Variants in MTA1 observed in about 807,000 individuals in gnomAD.
MTA1 encodes metastasis-associated protein MTA1.
MTA1 carries 15 observed loss-of-function variants against 97.0 expected under a neutral mutation model. That is an observed-to-expected ratio of 0.15 (90% CI 0.10 to 0.24). MTA1 has a LOEUF of 0.24. Ranked by LOEUF, MTA1 falls within the 10% of genes least tolerant of loss-of-function variation. The pLI, the probability that MTA1 is intolerant of heterozygous loss-of-function variation, is 1.00. For synonymous variants in MTA1, 435 were observed against 417.5 expected, an observed-to-expected ratio of 1.04 and a Z score of -0.51; for missense variants, 709 against 1,015.1, an observed-to-expected ratio of 0.70 and a Z score of 4.10.
chr14:105,433,768 G>A (rs1164343971), intron 1 of MTA1, among the ~76,000 whole-genome samples: 1 of 152,176 alleles, frequency 6.6e-6, no homozygotes, highest in Non-Finnish European at 1.5e-5. Context: ...GAAGCAATAT[G>A]TCATCTCCCA....
intron 3 of MTA1, 106 bp from the exon 4 acceptor site, chr14:105,449,253 C>T: frequency 8.3e-7 from 1 of 1,209,074 alleles, no homozygotes; most frequent in Non-Finnish European, 1.1e-6. Flanking sequence ...GGCCCCCGTT[C>T]TGCCCTGCCC....
chr14:105,429,718 G>A (rs1555423006), intron 1 of MTA1, among the ~76,000 whole-genome samples: 1 of 148,998 alleles, frequency 6.7e-6, no homozygotes, highest in Non-Finnish European at 1.5e-5. Context: ...CTCCCGAAGT[G>A]CTGGGATTAC....
intron 6 of MTA1, among the ~76,000 whole-genome samples, chr14:105,451,366 A>G (rs2082922059): frequency 6.6e-6 from 1 of 152,214 alleles, no homozygotes; most frequent in Admixed American, 6.5e-5. Context: ...GCAGGCAGAG[A>G]AGAGCAGGCA....
chr14:105,434,742 C>G (rs587713063), intron 1 of MTA1, among the ~76,000 whole-genome samples: 14 of 152,164 alleles, frequency 9.2e-5, no homozygotes, highest in Admixed American at 7.2e-4. Flanking sequence ...CTCAGGTGAT[C>G]CGCCCGCCTC....
In MTA1 at chr14:105,424,752, T is replaced by G. The variant is rs587699179; in HGVS notation, c.28+4689T>G. On this transcript the variant is annotated intron_variant, in intron 1 of 20. Coordinates refer to ENST00000331320, the MANE Select transcript of MTA1 (RefSeq NM_004689.4). This position sits in a 1 kb window ranked among gnomAD's most constrained non-coding sequence, Gnocchi z 4.0. The stretch of plus-strand genomic sequence containing the variant: ...CTCAAGTGATCCACCCGCCTCGGCC[T>G]CCCAAAGTGCTGGGATTACAGGCGT... 6.6e-6 allele frequency among the ~76,000 whole-genome samples: 1 copy of G among 152,264 alleles called. No homozygotes were observed. The highest frequency in any genetic ancestry group is 1.9e-4 in the East Asian group (1 of 5,182).
chr14:105,437,100 T>C (rs901095936), intron 1 of MTA1, among the ~76,000 whole-genome samples: 4 of 152,256 alleles, frequency 2.6e-5, no homozygotes, highest in Admixed American at 6.5e-5. Flanking sequence ...TATGTGGGCG[T>C]AGCCTCATCT....
At chr14:105,449,497 C>T (rs982090238) in intron 4 of MTA1, 88 bp downstream of exon 4, 51 of 1,442,262 alleles carry the variant, frequency 3.5e-5, no homozygotes, top group Admixed American at 6.0e-5. Context: ...AGAGTTTGGG[C>T]GGGCCGCCTG....
chr14:105,428,607 A>C (rs997107638), intron 1 of MTA1, among the ~76,000 whole-genome samples: 7 of 151,948 alleles, frequency 4.6e-5, no homozygotes, highest in African/African-American at 1.2e-4. Context: ...GAATCCTTGA[A>C]CTTTGTTCCT....
intron 1 of MTA1, among the ~76,000 whole-genome samples, chr14:105,437,510 C>T (rs2082367518): frequency 6.6e-6 from 1 of 151,920 alleles, no homozygotes; most frequent in Non-Finnish European, 1.5e-5. Context: ...GGTGCGTCCT[C>T]ACTGGCGTGT....
chr14:105,421,433 G>T (rs1440321002), intron 1 of MTA1, among the ~76,000 whole-genome samples: 2 of 152,196 alleles, frequency 1.3e-5, no homozygotes, highest in Non-Finnish European at 2.9e-5. Context: ...GATGCCTGCT[G>T]CCTGGGCTCC....
At chr14:105,421,817 A>G (rs1555420963) in intron 1 of MTA1, among the ~76,000 whole-genome samples, 1 of 152,112 alleles carries the variant, frequency 6.6e-6, no homozygotes, top group East Asian at 1.9e-4. Context: ...GCTTGGGAGG[A>G]GCCCTTCGTG....
In MTA1 at chr14:105,420,342, G is replaced by T. The variant is rs1405790472; in HGVS notation, c.28+279G>T. On this transcript the variant is annotated intron_variant, in intron 1 of 20. Transcript: ENST00000331320. This position sits in a 1 kb window ranked among gnomAD's most constrained non-coding sequence, Gnocchi z 5.3. ...GGGCGGCCGCGGGGGTGGCGGGGGG[G>T]CGCGGGGCCTGCGGGACATCCGGGG... 6.6e-6 allele frequency among the ~76,000 whole-genome samples: 1 copy of T among 151,318 alleles called. No homozygotes were observed. The highest frequency in any genetic ancestry group is 1.5e-5 in the Non-Finnish European group (1 of 67,674).
At chr14:105,439,672 G>A (rs991492759) in intron 2 of MTA1, among the ~76,000 whole-genome samples, 1 of 152,144 alleles carries the variant, frequency 6.6e-6, no homozygotes, top group South Asian at 2.1e-4. Flanking sequence ...CCAGCAGAGA[G>A]TGGGGTGGGG....
intron 18 of MTA1, chr14:105,468,403 G>T: frequency 7.7e-7 from 1 of 1,298,520 alleles, no homozygotes; most frequent in East Asian, 5.6e-5. Context: ...TTGGCTTGTG[G>T]CAGGTGCCCT....
chr14:105,436,515 G>A (rs587624303), intron 1 of MTA1, among the ~76,000 whole-genome samples: 2 of 152,274 alleles, frequency 1.3e-5, no homozygotes, highest in African/African-American at 2.4e-5. Flanking sequence ...AAATTCTCAC[G>A]TCTTCCACAT....
chr14:105,460,782 T>A lies in MTA1; in HGVS notation c.771T>A (p.Thr257=). Residue 257 remains threonine (T), a synonymous_variant, in exon 10 of 21, where the codon ACT becomes ACA. Coordinates refer to ENST00000331320, the MANE Select transcript of MTA1 (RefSeq NM_004689.4). ...RDITLFHAMD[T]LHKNIYDISK... ...TGCCGCAGTTCCACGCCATGGATACTCTCCACAAGAACATCTACGACATCT... is the reference window on the plus strand; with the variant it reads ...TGCCGCAGTTCCACGCCATGGATACACTCCACAAGAACATCTACGACATCT... 1.9e-6 allele frequency: 3 copies of A among 1,591,954 alleles called. No individual in the cohort carries two copies. The highest frequency in any genetic ancestry group is 2.6e-6 in the Non-Finnish European group (3 of 1,168,256).
rs587663933 is a variant in MTA1, at chr14:105,464,615, G to A, written c.1344+48G>A. Reference sequence around the variant, plus strand: ...TGCCTGCCATGAGCCTGTCGGCCACGCGGGTCCTCGGCCCCCGGTCATGGC... The same window carrying A: ...TGCCTGCCATGAGCCTGTCGGCCACACGGGTCCTCGGCCCCCGGTCATGGC... On this transcript the variant is annotated intron_variant, in intron 14 of 20. Coordinates refer to ENST00000331320, the MANE Select transcript of MTA1 (RefSeq NM_004689.4). 51 of 1,609,994 alleles carry A rather than the reference G, an allele frequency of 3.2e-5. No homozygotes were observed. In the East Asian group the frequency reaches 3.6e-4, roughly 11 times the overall value.
At chr14:105,469,396 G>A in intron 18 of MTA1, 71 bp from the exon 19 acceptor site, 2 of 1,547,516 alleles carry the variant, frequency 1.3e-6, no homozygotes, top group Non-Finnish European at 8.9e-7. Flanking sequence ...GGTGGCTGAG[G>A]CCGTGGTGGG....
chr14:105,421,728 C>T (rs1399686463), intron 1 of MTA1, among the ~76,000 whole-genome samples: 1 of 152,254 alleles, frequency 6.6e-6, no homozygotes, highest in African/African-American at 2.4e-5. Flanking sequence ...TGCCCTGTGG[C>T]AGCTGTGCTG....
Sources: gnomAD v4.1 joint callset for allele counts (sites outside exome capture counted in the v4.1 genomes callset) on GRCh38, gnomAD v4.1.1 for gene constraint, Gnocchi (gnomAD v3.1) non-coding constraint, MANE v1.5 for transcripts, NCBI Gene and HGNC (gene_info 2026-07-23, HGNC 2026-07-21) for gene names.